Variants in ANKRD44 observed in about 807,000 individuals in gnomAD.
ANKRD44 encodes serine/threonine-protein phosphatase 6 regulatory ankyrin repeat subunit B.
A neutral mutation model predicts 116.0 loss-of-function variants in ANKRD44; 35 were observed. The observed-to-expected ratio is 0.30, with a 90% CI of 0.23 to 0.40. ANKRD44 has a LOEUF of 0.40. Ranked by LOEUF, ANKRD44 falls within the 10% of genes least tolerant of loss-of-function variation. ANKRD44 has a pLI of 1.00. For missense variants in ANKRD44, 1,014 were observed against 1,242.6 expected (o/e 0.82, Z 2.77); for synonymous variants, 435 against 461.8 (o/e 0.94, Z 0.74).
At chr2:197,078,944 G>T in intron 15 of ANKRD44, 130 bp from the exon 16 acceptor site, 1 of 807,570 alleles carries the variant, frequency 1.2e-6, no homozygotes. Context: ...AAATCCTACA[G>T]CAATGAAGTT....
intron 21 of ANKRD44, among the ~76,000 whole-genome samples, chr2:197,003,032 C>T (rs1256215279): frequency 6.6e-6 from 1 of 152,162 alleles, no homozygotes; most frequent in East Asian, 1.9e-4. Context: ...AGTGGCTGGG[C>T]ATGGTGGCTC....
chr2:197,156,306 A>T (rs1300872510), intron 2 of ANKRD44, among the ~76,000 whole-genome samples: 1 of 151,896 alleles, frequency 6.6e-6, no homozygotes, highest in Non-Finnish European at 1.5e-5. Context: ...AGATTGCACC[A>T]CTGCACTCCA....
chr2:197,083,610 T>C, intron 13 of ANKRD44, 101 bp from the exon 14 acceptor site: 1 of 1,369,358 alleles, frequency 7.3e-7, no homozygotes, highest in South Asian at 1.5e-5. Flanking sequence ...TGGAAAGCTC[T>C]TGGACTCTCA....
intron 20 of ANKRD44, 105 bp downstream of exon 20, chr2:197,007,701 T>C: frequency 1.3e-6 from 1 of 765,312 alleles, no homozygotes; most frequent in Non-Finnish European, 2.2e-6. Context: ...TAAACATTTT[T>C]TGCTAAAAAT....
At chr2:197,296,110 T>G (rs2083714308) in intron 1 of ANKRD44, among the ~76,000 whole-genome samples, 1 of 152,186 alleles carries the variant, frequency 6.6e-6, no homozygotes, top group Non-Finnish European at 1.5e-5. Context: ...AGAAATGTCC[T>G]GCTTGAGTTC....
chr2:197,100,657 A>C (rs2078271728), intron 9 of ANKRD44, among the ~76,000 whole-genome samples: 1 of 152,326 alleles, frequency 6.6e-6, no homozygotes, highest in East Asian at 1.9e-4. Context: ...ACCAAAGGGG[A>C]TGGACAGTTC....
chr2:197,015,697 G>C lies in ANKRD44; in HGVS notation c.1723-1985C>G, dbSNP rs180931883. ...TGATGGTGGGTGTAATGGATTTGGA[G>C]GTGATGGTGGCACCTATGATGGTGG... On this transcript the variant is annotated intron_variant, in intron 17 of 27. Transcript: ENST00000282272. 2,188 of 556,084 alleles carry C rather than the reference G, an allele frequency of 3.9e-3. 11 individuals carry two copies. The highest frequency in any genetic ancestry group is 5.6e-3 in the Non-Finnish European group (1,716 of 304,402). 34.4% of individuals were successfully genotyped at this position (556,084 alleles called of 1,614,324 possible).
At chr2:197,014,890 G>T in intron 17 of ANKRD44, 1 of 159,882 alleles carries the variant, frequency 6.3e-6, no homozygotes, top group Non-Finnish European at 1.4e-5. Flanking sequence ...TGTATTAGCT[G>T]CCCCCCACCC....
intron 1 of ANKRD44, among the ~76,000 whole-genome samples, chr2:197,298,048 T>C (rs2083776220): frequency 6.6e-6 from 1 of 152,214 alleles, no homozygotes; most frequent in South Asian, 2.1e-4. Context: ...TTTACACTTG[T>C]AGAAATAAAG....
At chr2:197,236,569 T>A (rs2081982724) in intron 1 of ANKRD44, among the ~76,000 whole-genome samples, 2 of 152,206 alleles carry the variant, frequency 1.3e-5, no homozygotes, top group African/African-American at 4.8e-5. Context: ...ACTAGTTGCC[T>A]ACTAGTTTCT....
intron 16 of ANKRD44, among the ~76,000 whole-genome samples, chr2:197,066,421 T>C (rs2077434926): frequency 1.3e-5 from 2 of 152,172 alleles, no homozygotes; most frequent in African/African-American, 4.8e-5. Flanking sequence ...TTCAACACAG[T>C]GTTGGAAGTT....
chr2:197,237,401 A>G (rs967649537), intron 1 of ANKRD44, among the ~76,000 whole-genome samples: 1 of 152,222 alleles, frequency 6.6e-6, no homozygotes, highest in Non-Finnish European at 1.5e-5. Context: ...CTTCAGCAAT[A>G]CTTTTCTCAA....
chr2:197,126,049 G>A lies in ANKRD44; in HGVS notation c.262-12C>T. The A allele has an allele frequency of 6.2e-7, 1 of 1,613,914 alleles. No homozygotes were observed. The highest frequency in any genetic ancestry group is 8.5e-7 in the Non-Finnish European group (1 of 1,179,850). On this transcript the variant is annotated splice_polypyrimidine_tract_variant and intron_variant, in intron 4 of 27. Coordinates refer to ENST00000282272, the MANE Select transcript of ANKRD44 (RefSeq NM_001195144.2). ...ACCTGTACTGCTTCCTACAACAAAA[G>A]CAGAGTTTGCAGAGGTCACTGACAG...
chr2:197,165,044 G>C (rs1469625138), intron 2 of ANKRD44, among the ~76,000 whole-genome samples: 1 of 152,172 alleles, frequency 6.6e-6, no homozygotes, highest in East Asian at 1.9e-4. Flanking sequence ...CTGAAGATGT[G>C]TGAGATGGAA....
chr2:197,084,326 C>G (rs1266737044), intron 13 of ANKRD44, among the ~76,000 whole-genome samples: 1 of 152,140 alleles, frequency 6.6e-6, no homozygotes, highest in African/African-American at 2.4e-5. Flanking sequence ...TCACTTCCAC[C>G]CATCAAAACC....
At chr2:197,273,966 A>AG in intron 1 of ANKRD44, among the ~76,000 whole-genome samples, 1 of 12,668 alleles carries the variant, frequency 7.9e-5, no homozygotes, top group South Asian at 5.1e-3. Flanking sequence ...ACCACAAAAA[A>AG]AAAAAAAAAA....
Position 197,125,860 on chromosome 2 carries a change from C to A in ANKRD44, c.439G>T (p.Ala147Ser). The A allele has an allele frequency of 6.2e-7, 1 of 1,614,116 alleles. No homozygotes were observed. The highest frequency in any genetic ancestry group is 2.2e-5 in the East Asian group (1 of 44,874). ...ACCTCCACGTGGCCGTTCAGAGCCG[C>A]ATGGTGCAAGGCTGTGCGCCCCCCT... ...DRGGRTALHHAALNGHVEMVN... is the reference protein window; with the variant it reads ...DRGGRTALHHSALNGHVEMVN... The change falls in exon 5 of 28, where the codon GCG (alanine) becomes TCG (serine). Residue 147 changes from alanine to serine, a missense_variant. By Grantham distance (99) the Ala-to-Ser change is moderately conservative (BLOSUM62 1). Transcript: ENST00000282272.
chr2:197,037,821 A>G (rs575211997), intron 16 of ANKRD44, among the ~76,000 whole-genome samples: 4 of 152,316 alleles, frequency 2.6e-5, no homozygotes, highest in African/African-American at 9.6e-5. Context: ...TCGTGCCTAT[A>G]GTCCCAGCTA....
At chr2:197,006,021 A>G in intron 20 of ANKRD44, 111 bp from the exon 21 acceptor site, 1 of 953,482 alleles carries the variant, frequency 1.0e-6, no homozygotes. Context: ...CTGGGTCTTT[A>G]AGGAAGGCAG....
Sources: allele counts gnomAD v4.1 joint callset (sites outside exome capture counted in the v4.1 genomes callset), GRCh38; gene constraint gnomAD v4.1.1; transcripts MANE v1.5; gene names NCBI Gene and HGNC (gene_info 2026-07-23, HGNC 2026-07-21).